The following PIEZO2 variants were observed in gnomAD, a reference collection of about 807,000 sequenced individuals.
The protein encoded by PIEZO2 is piezo type mechanosensitive ion channel component 2, also known as piezo-type mechanosensitive ion channel component 2.
In PIEZO2, 172 loss-of-function variants were observed where a neutral mutation model predicts 337.3. The observed-to-expected ratio is 0.51, with a 90% CI of 0.45 to 0.58. The LOEUF is 0.58. Ranked by LOEUF, PIEZO2 falls within the 20% of genes least tolerant of loss-of-function variation. The pLI is 0.00. For missense variants in PIEZO2, 3,028 were observed against 3,391.3 expected (o/e 0.89, Z 2.66); for synonymous variants, 1,251 against 1,228.5 (o/e 1.02, Z -0.38).
Position 10,973,795 on chromosome 18 carries a change from A to C in PIEZO2, c.286+5740T>G, listed in dbSNP as rs761928784. Among the ~76,000 whole-genome samples the C allele has an allele frequency of 1.3e-5, 2 of 152,212 alleles. No individual in the cohort carries two copies. Among genetic ancestry groups the C allele is most frequent in the African/African-American group, 2.4e-5 (1 of 41,458 alleles). On this transcript the variant is annotated intron_variant, in intron 3 of 55. Transcript: ENST00000674853. This position sits in a 1 kb window ranked among gnomAD's most constrained non-coding sequence, Gnocchi z 4.9. ...AAAGCAGGCAGCCAAGAGTGGTTTC[A>C]AAAAATGACTCAGAACATGCAGGGT...
At position 11,033,315 on chromosome 18, in the gene PIEZO2, C is replaced by A. The variant is rs538949600; in HGVS notation, c.160+32812G>T. 1.3e-5 allele frequency among the ~76,000 whole-genome samples: 2 copies of A among 152,308 alleles called. No individual in the cohort carries two copies. The highest frequency in any genetic ancestry group is 4.8e-5 in the African/African-American group (2 of 41,570). ...TCATTCCTGGCTGTAGACACTAGAC[C>A]ACCAGGACTTAGGGCAGGACTCCAG... On this transcript the variant is annotated intron_variant, in intron 2 of 55. Coordinates refer to ENST00000674853, the MANE Select transcript of PIEZO2 (RefSeq NM_001378183.1). This position sits in a 1 kb window ranked among gnomAD's most constrained non-coding sequence, Gnocchi z 4.2.
At position 10,716,326 on chromosome 18, in the gene PIEZO2, A is replaced by G. The variant is rs2036009873; in HGVS notation, c.5090-510T>C. Among the ~76,000 whole-genome samples the G allele has an allele frequency of 6.6e-6, 1 of 152,138 alleles. No homozygotes were observed. On this transcript the variant is annotated intron_variant, in intron 37 of 55. Transcript: ENST00000674853. The surrounding 1 kb of genome is among the most constrained non-coding windows in gnomAD (Gnocchi z 4.1). ...GCTTTATGATGGTCCACTTCCATTT[A>G]CTGAATAGGAACTATATTTTCTTTC... is the stretch of plus-strand genomic sequence containing the variant.
intron 2 of PIEZO2, among the ~76,000 whole-genome samples, chr18:11,024,919 A>G (rs1490480958): frequency 6.6e-6 from 1 of 150,768 alleles, no homozygotes; most frequent in African/African-American, 2.4e-5. Flanking sequence ...AAATACAGGC[A>G]TGAGCCACCG....
In PIEZO2 at chr18:10,989,985, C is replaced by T. The variant is rs142805757; in HGVS notation, c.161-10325G>A. ...TTTTTACAGCAGGACTACATGGAGA[C>T]GAATAATGACATTTACCACATTATT... On this transcript the variant is annotated intron_variant, in intron 2 of 55. Coordinates refer to ENST00000674853, the MANE Select transcript of PIEZO2 (RefSeq NM_001378183.1). 1.4e-3 allele frequency among the ~76,000 whole-genome samples: 211 copies of T among 152,066 alleles called. 1 individual carries two copies. Among genetic ancestry groups the T allele is most frequent in the Non-Finnish European group, 2.1e-3 (140 of 67,992 alleles).
At chr18:10,939,213 A>G (rs927177403) in intron 3 of PIEZO2, among the ~76,000 whole-genome samples, 1 of 145,796 alleles carries the variant, frequency 6.9e-6, no homozygotes, top group Non-Finnish European at 1.5e-5. Context: ...GCTCATGGAT[A>G]TATGCCAATA....
Position 10,682,731 on chromosome 18 carries a change from G to A in PIEZO2, c.7498-439C>T, listed in dbSNP as rs552996. On this transcript the variant is annotated intron_variant, in intron 49 of 55. Transcript: ENST00000674853. This position sits in a 1 kb window ranked among gnomAD's most constrained non-coding sequence, Gnocchi z 5.6. Reference sequence around the variant, plus strand: ...CAGTTGACCCTTCCCTGCCCTTGGAGGGTGAAAAAACATGATTTTTAATTT... The same window carrying A: ...CAGTTGACCCTTCCCTGCCCTTGGAAGGTGAAAAAACATGATTTTTAATTT... 0.71 allele frequency among the ~76,000 whole-genome samples: 107,284 copies of A among 151,884 alleles called. 40,342 individuals are homozygous for A. The highest frequency in any genetic ancestry group is 0.83 in the Non-Finnish European group (56,377 of 67,932).
At chr18:10,885,720 C>G (rs1040213177) in intron 4 of PIEZO2, among the ~76,000 whole-genome samples, 1 of 152,122 alleles carries the variant, frequency 6.6e-6, no homozygotes, top group East Asian at 1.9e-4. Flanking sequence ...GTTATGTGAA[C>G]ATAAGGCAAG....
At chr18:10,933,581 C>T (rs1280503246) in intron 3 of PIEZO2, among the ~76,000 whole-genome samples, 1 of 152,102 alleles carries the variant, frequency 6.6e-6, no homozygotes, top group Non-Finnish European at 1.5e-5. Flanking sequence ...GGAATTGTAC[C>T]TCCTCTATAT....
At chr18:10,710,435 T>C (rs2035772529) in intron 39 of PIEZO2, among the ~76,000 whole-genome samples, 1 of 152,206 alleles carries the variant, frequency 6.6e-6, no homozygotes. Flanking sequence ...AGAGGACATA[T>C]TTAAAATATT....
Position 11,143,633 on chromosome 18 carries a change from A to T in PIEZO2, c.64+4892T>A, listed in dbSNP as rs946467806. 0.071 allele frequency among the ~76,000 whole-genome samples: 4,847 copies of T among 68,016 alleles called. 86 individuals are homozygous for T. Among genetic ancestry groups the T allele is most frequent in the East Asian group, 0.14 (245 of 1,742 alleles). 44.6% of individuals were successfully genotyped at this position (68,016 alleles called of 152,430 possible). ...CACACACACACACACACACACACAC[A>T]CACACACTCTCTCTCTCTCTCTCTC... On this transcript the variant is annotated intron_variant, in intron 1 of 55. Transcript: ENST00000674853. This position sits in a 1 kb window ranked among gnomAD's most constrained non-coding sequence, Gnocchi z 4.9.
rs1598429135 is a variant in PIEZO2, at chr18:10,748,148, T to C, written c.4424+323A>G. On this transcript the variant is annotated intron_variant, in intron 30 of 55. Coordinates refer to ENST00000674853, the MANE Select transcript of PIEZO2 (RefSeq NM_001378183.1). The surrounding 1 kb of genome is among the most constrained non-coding windows in gnomAD (Gnocchi z 5.1). ...AGATGGACTAAACTCCAGACCAACG[T>C]GGCATATGTTGCTGTTTTGTCTGAG... 6.6e-6 allele frequency among the ~76,000 whole-genome samples: 1 copy of C among 152,140 alleles called. No individual in the cohort carries two copies. Among genetic ancestry groups the C allele is most frequent in the Non-Finnish European group, 1.5e-5 (1 of 68,024 alleles).
chr18:11,132,044 T>A lies in PIEZO2; in HGVS notation c.64+16481A>T, dbSNP rs1282053044. On this transcript the variant is annotated intron_variant, in intron 1 of 55. Transcript: ENST00000674853. This position sits in a 1 kb window ranked among gnomAD's most constrained non-coding sequence, Gnocchi z 4.7. ...AACAGCAGAGACCAATACTGAGCCCTCGATATGTCACCTTTCCTCAGGGTG... is the reference window on the plus strand; with the variant it reads ...AACAGCAGAGACCAATACTGAGCCCACGATATGTCACCTTTCCTCAGGGTG... 6.6e-6 allele frequency among the ~76,000 whole-genome samples: 1 copy of A among 152,180 alleles called. No homozygotes were observed. Among genetic ancestry groups the A allele is most frequent in the Non-Finnish European group, 1.5e-5 (1 of 68,034 alleles).
intron 3 of PIEZO2, among the ~76,000 whole-genome samples, chr18:10,948,022 A>G (rs1040641215): frequency 1.3e-5 from 2 of 152,156 alleles, no homozygotes; most frequent in African/African-American, 4.8e-5. Flanking sequence ...AAGAAAGAAA[A>G]GAACAGATAG....
At chr18:11,072,251 T>C (rs912660395) in intron 1 of PIEZO2, among the ~76,000 whole-genome samples, 4 of 152,006 alleles carry the variant, frequency 2.6e-5, no homozygotes, top group African/African-American at 9.7e-5. Flanking sequence ...ACAAAATGAA[T>C]GAATGAATAA....
intron 2 of PIEZO2, among the ~76,000 whole-genome samples, chr18:11,050,631 GT>G (rs1272301685): frequency 1.3e-5 from 2 of 151,780 alleles, no homozygotes; most frequent in African/African-American, 2.4e-5. Flanking sequence ...AATAAAATAT[GT>G]TTTTCTATCT....
At chr18:11,066,102 G>T in intron 2 of PIEZO2, 25 bp downstream of exon 2, 1 of 1,488,364 alleles carries the variant, frequency 6.7e-7, no homozygotes, top group Non-Finnish European at 9.1e-7. Flanking sequence ...TAACTCTGTG[G>T]TATACGATAA....
In PIEZO2 at chr18:11,096,845, A is replaced by G. The variant is rs116690306; in HGVS notation, c.65-30623T>C. On this transcript the variant is annotated intron_variant, in intron 1 of 55. Transcript: ENST00000674853. The surrounding 1 kb of genome is among the most constrained non-coding windows in gnomAD (Gnocchi z 4.6). ...CCACTGCCAGCAAAATGGGAACAAC[A>G]TGGACTTCAGGGGGGTGGTACCACA... 0.014 allele frequency among the ~76,000 whole-genome samples: 2,061 copies of G among 152,256 alleles called. 50 individuals carry two copies. The highest frequency in any genetic ancestry group is 0.047 in the African/African-American group (1,957 of 41,554).
intron 7 of PIEZO2, among the ~76,000 whole-genome samples, chr18:10,823,665 G>A (rs1285100860): frequency 6.6e-6 from 1 of 152,188 alleles, no homozygotes; most frequent in Non-Finnish European, 1.5e-5. Context: ...GAAACAAAGG[G>A]AGGGGAGGGA....
intron 5 of PIEZO2, among the ~76,000 whole-genome samples, chr18:10,868,905 T>G (rs11663272): frequency 0.35 from 52,581 of 151,968 alleles, 9,135 homozygotes; most frequent in South Asian, 0.37. Context: ...TGTAAGTTAT[T>G]TTTATAAGAA....
Sources: allele counts gnomAD v4.1 joint callset (sites outside exome capture counted in the v4.1 genomes callset), GRCh38; gene constraint gnomAD v4.1.1; non-coding constraint Gnocchi (gnomAD v3.1); transcripts MANE v1.5; gene names NCBI Gene and HGNC (gene_info 2026-07-23, HGNC 2026-07-21).